The following BCAS3 variants were observed in gnomAD, a reference collection of about 807,000 sequenced individuals.
BCAS3 encodes the protein BCAS3 microtubule associated cell migration factor.
A neutral mutation model predicts 116.1 loss-of-function variants in BCAS3; 53 were observed. The observed-to-expected ratio is 0.46, with a 90% confidence interval of 0.37 to 0.57. The LOEUF is 0.57. Ranked by LOEUF, BCAS3 falls within the 20% of genes least tolerant of loss-of-function variation. The pLI is 0.00. For missense variants in BCAS3, 917 were observed against 1,165.4 expected, an observed-to-expected ratio of 0.79 and a Z score of 3.10; for synonymous variants, 391 against 408.2, an observed-to-expected ratio of 0.96 and a Z score of 0.51.
In BCAS3 at chr17:61,345,618, C is replaced by T. The variant is rs1602908665; in HGVS notation, c.2426-22709C>T. Reference sequence around the variant, plus strand: ...CACAGCATGTGCGTTTTGTGTAGCACAGCTCAGCAGCCTGGATGGTTCATC... The same window carrying T: ...CACAGCATGTGCGTTTTGTGTAGCATAGCTCAGCAGCCTGGATGGTTCATC... On this transcript the variant is annotated intron_variant, in intron 22 of 23. Transcript: ENST00000407086. 1.3e-5 allele frequency among the ~76,000 whole-genome samples: 2 copies of T among 152,154 alleles called. 1 individual carries two copies. The highest frequency in any genetic ancestry group is 4.2e-4 in the South Asian group (2 of 4,818).
At chr17:61,283,263 A>C (rs2051399346) in intron 22 of BCAS3, among the ~76,000 whole-genome samples, 1 of 152,154 alleles carries the variant, frequency 6.6e-6, no homozygotes, top group African/African-American at 2.4e-5. Context: ...GGACTATAAC[A>C]CATTCAAACT....
In BCAS3 at chr17:60,956,958, G is replaced by A. The variant is rs1285396117; in HGVS notation, c.1221+9606G>A. On this transcript the variant is annotated intron_variant, in intron 14 of 23. Transcript: ENST00000407086. The surrounding 1 kb of genome is among the most constrained non-coding windows in gnomAD (Gnocchi z 4.2). ...CTCTGACGGTACTTTAATCAGGCAA[G>A]GAAAAAAATTCAGTATGTGTATCTA... Among the ~76,000 whole-genome samples, 1 of 152,064 alleles carries A rather than the reference G, an allele frequency of 6.6e-6. No individual in the cohort carries two copies. The highest frequency in any genetic ancestry group is 1.5e-5 in the Non-Finnish European group (1 of 67,992).
At chr17:60,919,950 A>G (rs1210501099) in intron 12 of BCAS3, among the ~76,000 whole-genome samples, 1 of 152,196 alleles carries the variant, frequency 6.6e-6, no homozygotes, top group East Asian at 1.9e-4. Context: ...AGGAGGAACA[A>G]CAAACACCTA....
chr17:60,910,492 T>C, intron 11 of BCAS3, 40 bp from the exon 12 acceptor site: 1 of 1,478,638 alleles, frequency 6.8e-7, no homozygotes, highest in Non-Finnish European at 9.1e-7. Context: ...AGAATCCAAA[T>C]ACTGATGTGA....
At chr17:60,946,785 C>T (rs1218972949) in intron 13 of BCAS3, among the ~76,000 whole-genome samples, 6 of 152,052 alleles carry the variant, frequency 3.9e-5, no homozygotes, top group Non-Finnish European at 7.4e-5. Context: ...GTGGCATGTG[C>T]TTGTAGTCCC....
At position 61,023,755 on chromosome 17, in the gene BCAS3, T is replaced by C. The variant is rs542255975; in HGVS notation, c.1637+7854T>C. On this transcript the variant is annotated intron_variant, in intron 16 of 23. Transcript: ENST00000407086. The surrounding 1 kb of genome is among the most constrained non-coding windows in gnomAD (Gnocchi z 4.8). ...CCTTTGAGAACTAATGGCCAGGTCATTTCACGGTGGCCTATATATAAGTCT... is the reference window on the plus strand; with the variant it reads ...CCTTTGAGAACTAATGGCCAGGTCACTTCACGGTGGCCTATATATAAGTCT... Among the ~76,000 whole-genome samples, 1 of 152,260 alleles carries C rather than the reference T, an allele frequency of 6.6e-6. No individual in the cohort carries two copies. The highest frequency in any genetic ancestry group is 2.4e-5 in the African/African-American group (1 of 41,568).
At chr17:60,965,206 C>T (rs1329261412) in intron 14 of BCAS3, among the ~76,000 whole-genome samples, 2 of 150,842 alleles carry the variant, frequency 1.3e-5, no homozygotes, top group Non-Finnish European at 2.9e-5. Flanking sequence ...TGCTATATCC[C>T]ATAGGTTTTG....
Position 61,249,102 on chromosome 17 carries a change from A to G in BCAS3, c.2426-119225A>G, listed in dbSNP as rs567243037. ...GGAGTTTGAGACCAGCCTGGCCAAC[A>G]TGGTGAAACCCCATCTCTACTAAAA... On this transcript the variant is annotated intron_variant, in intron 22 of 23. Transcript: ENST00000407086. The surrounding 1 kb of genome is among the most constrained non-coding windows in gnomAD (Gnocchi z 6.2). Among the ~76,000 whole-genome samples the G allele has an allele frequency of 1.3e-5, 2 of 152,228 alleles. No individual in the cohort carries two copies. The highest frequency in any genetic ancestry group is 2.1e-4 in the South Asian group (1 of 4,812).
intron 22 of BCAS3, among the ~76,000 whole-genome samples, chr17:61,114,565 A>C (rs1207800281): frequency 2.0e-5 from 3 of 151,732 alleles, no homozygotes; most frequent in East Asian, 3.9e-4. Context: ...GAGAACTACA[A>C]ACCACTGCTC....
intron 22 of BCAS3, among the ~76,000 whole-genome samples, chr17:61,221,109 A>G (rs1601987749): frequency 6.6e-6 from 1 of 152,344 alleles, no homozygotes; most frequent in South Asian, 2.1e-4. Context: ...AAAAACAAAA[A>G]GAAAGTGTGG....
chr17:61,351,862 C>T (rs2057870520), intron 22 of BCAS3, among the ~76,000 whole-genome samples: 1 of 152,216 alleles, frequency 6.6e-6, no homozygotes, highest in Non-Finnish European at 1.5e-5. Flanking sequence ...TCCTCCACCA[C>T]TCGTTTCAGA....
rs1477466411 is a variant in BCAS3 at position 61,122,428 on chromosome 17, G to A, written c.2425+37864G>A. ...GCTTAAATGAAGGTATACTGAACTT[G>A]GAGATGTCATTTCAGCATTTGGCTG... On this transcript the variant is annotated intron_variant, in intron 22 of 23. Transcript: ENST00000407086. The surrounding 1 kb of genome is among the most constrained non-coding windows in gnomAD (Gnocchi z 4.6). Among the ~76,000 whole-genome samples the A allele has an allele frequency of 6.6e-6, 1 of 152,180 alleles. No individual in the cohort carries two copies. The highest frequency in any genetic ancestry group is 1.5e-5 in the Non-Finnish European group (1 of 68,034).
rs1040788627 is a variant in BCAS3, at chr17:60,690,777, G to A, written c.214+1016G>A. Among the ~76,000 whole-genome samples, 7 of 151,066 alleles carry A rather than the reference G, an allele frequency of 4.6e-5. No homozygotes were observed. In the South Asian group the frequency reaches 1.0e-3, roughly 23 times the overall value. On this transcript the variant is annotated intron_variant, in intron 4 of 23. Transcript: ENST00000407086. ...CTCTACTAAAAATACAAAATTAGTC[G>A]GGCATAGTGGCACACTCCTGCAGCC... is the stretch of plus-strand genomic sequence containing the variant.
intron 7 of BCAS3, chr17:60,811,475 A>G (rs2048814785): frequency 1.1e-5 from 6 of 533,830 alleles, no homozygotes; most frequent in South Asian, 9.5e-5. Context: ...CAGCAGAAGC[A>G]GTGTACCCTT....
At chr17:61,306,129 G>T (rs1367854045) in intron 22 of BCAS3, among the ~76,000 whole-genome samples, 1 of 152,150 alleles carries the variant, frequency 6.6e-6, no homozygotes, top group Non-Finnish European at 1.5e-5. Context: ...AGAAAAACAT[G>T]ATAAAGCCGC....
At position 61,279,674 on chromosome 17, in the gene BCAS3, TG is replaced by T. The variant is rs1428498937; in HGVS notation, c.2426-88652del. ...CTTAATCCCTTGGAGGACACAGAGT[TG>T]TTCAGTCCATCCTGGTGTAGACCAC... On this transcript the variant is annotated intron_variant, in intron 22 of 23. Coordinates refer to ENST00000407086, the MANE Select transcript of BCAS3 (RefSeq NM_017679.5). The surrounding 1 kb of genome is among the most constrained non-coding windows in gnomAD (Gnocchi z 4.4). Among the ~76,000 whole-genome samples the T allele has an allele frequency of 6.6e-6, 1 of 152,022 alleles. No individual in the cohort carries two copies. Among genetic ancestry groups the T allele is most frequent in the Non-Finnish European group, 1.5e-5 (1 of 68,012 alleles).
chr17:60,811,280 G>T, intron 7 of BCAS3: 2 of 920,234 alleles, frequency 2.2e-6, no homozygotes, highest in South Asian at 2.7e-5. Context: ...GAACATCAAG[G>T]TCAAGCTGGA....
At chr17:60,737,321 TTCA>T (rs1568135142) in intron 5 of BCAS3, among the ~76,000 whole-genome samples, 1 of 152,212 alleles carries the variant, frequency 6.6e-6, no homozygotes, top group East Asian at 1.9e-4. Context: ...CTTAATTTTA[TTCA>T]TCATTTCAAA....
intron 22 of BCAS3, among the ~76,000 whole-genome samples, chr17:61,232,023 G>A (rs368554643): frequency 2.0e-5 from 3 of 151,388 alleles, no homozygotes; most frequent in African/African-American, 4.8e-5. Context: ...TGGCCAATAC[G>A]GTGAAACCCC....
Sources: gnomAD v4.1 joint callset for allele counts (sites outside exome capture counted in the v4.1 genomes callset) on GRCh38, gnomAD v4.1.1 for gene constraint, Gnocchi (gnomAD v3.1) non-coding constraint, MANE v1.5 for transcripts, NCBI Gene and HGNC (gene_info 2026-07-23, HGNC 2026-07-21) for gene names.